SCN3B: variants seen among roughly 807,000 people sequenced by gnomAD.
The protein encoded by SCN3B is sodium channel regulatory subunit beta-3.
SCN3B carries 11 observed loss-of-function variants against 25.4 expected under a neutral mutation model. The ratio of observed to expected loss-of-function variants is 0.43; its 90% CI spans 0.27 to 0.72. The LOEUF (loss-of-function observed/expected upper bound fraction) is 0.72, where lower values mean the gene tolerates loss of function less well. Ranked by LOEUF, SCN3B falls within the 30% of genes least tolerant of loss-of-function variation. SCN3B has a pLI of 0.18. For missense variants in SCN3B, 218 were observed against 278.3 expected (o/e 0.78, Z 1.54); for synonymous variants, 109 against 110.7 (o/e 0.99, Z 0.09).
At chr11:123,635,912 G>C (rs1400045629) in intron 5 of SCN3B, among the ~76,000 whole-genome samples, 2 of 152,152 alleles carry the variant, frequency 1.3e-5, no homozygotes, top group East Asian at 3.8e-4. Context: ...CTGTCCCTTG[G>C]TTAAGACTAT....
intron 5 of SCN3B, among the ~76,000 whole-genome samples, chr11:123,636,290 T>C (rs148036043): frequency 0.01 from 1,550 of 152,318 alleles, 16 homozygotes; most frequent in South Asian, 0.019. Flanking sequence ...TGGAATATTC[T>C]TCCTTGTCCT....
At chr11:123,644,474 A>T (rs1955824100) in intron 3 of SCN3B, among the ~76,000 whole-genome samples, 1 of 152,118 alleles carries the variant, frequency 6.6e-6, no homozygotes, top group South Asian at 2.1e-4. Context: ...GGTGGTATTC[A>T]AAATATATGA....
intron 4 of SCN3B, 48 bp from the exon 5 acceptor site, chr11:123,638,372 A>G: frequency 1.2e-6 from 2 of 1,611,444 alleles, no homozygotes; most frequent in Non-Finnish European, 1.7e-6. Context: ...CAGCAAACCT[A>G]GAGCCGTCAT....
At chr11:123,636,931 A>T (rs1683637846) in intron 5 of SCN3B, among the ~76,000 whole-genome samples, 1 of 152,104 alleles carries the variant, frequency 6.6e-6, no homozygotes, top group African/African-American at 2.4e-5. Context: ...TGACCTCATG[A>T]TCTGCCTGCC....
In SCN3B at chr11:123,630,322, G is replaced by C. The variant is rs1955655228; in HGVS notation, c.*3477C>G. 1.3e-5 allele frequency: 2 copies of C among 152,658 alleles called. No homozygotes were observed. 9.5% of individuals were successfully genotyped at this position (152,658 alleles called of 1,614,324 possible). Reference sequence around the variant, plus strand: ...GTGCTCTCAGGGCCAACTGGATTGAGCAATCACATTCATGGCTGTGAAGTA... The same window carrying C: ...GTGCTCTCAGGGCCAACTGGATTGACCAATCACATTCATGGCTGTGAAGTA... On this transcript the variant is annotated 3_prime_UTR_variant, in exon 7 of 7. Transcript: ENST00000299333.
chr11:123,636,983 C>T (rs996513724), intron 5 of SCN3B, among the ~76,000 whole-genome samples: 1 of 152,280 alleles, frequency 6.6e-6, no homozygotes, highest in African/African-American at 2.4e-5. Context: ...AGAGCCACCG[C>T]GCCCGGCCAA....
chr11:123,644,840 TAC>T (rs1555115890), intron 3 of SCN3B, among the ~76,000 whole-genome samples: 2 of 124,712 alleles, frequency 1.6e-5, no homozygotes, highest in Non-Finnish European at 3.5e-5. Flanking sequence ...TATATATATA[TAC>T]ACACACACAT....
chr11:123,637,652 C>A (rs925762365), intron 5 of SCN3B, among the ~76,000 whole-genome samples: 1 of 152,102 alleles, frequency 6.6e-6, no homozygotes, highest in African/African-American at 2.4e-5. Flanking sequence ...CCTCAGCCTC[C>A]CGAGTAGCTG....
chr11:123,642,069 G>A lies in SCN3B; in HGVS notation c.445+377C>T, dbSNP rs779515517. Among the ~76,000 whole-genome samples, 3 of 152,172 alleles carry A rather than the reference G, an allele frequency of 2.0e-5. No homozygotes were observed. Among genetic ancestry groups the A allele is most frequent in the Admixed American group, 6.5e-5 (1 of 15,274 alleles). On this transcript the variant is annotated intron_variant, in intron 4 of 6. Transcript: ENST00000299333. The surrounding 1 kb of genome is among the most constrained non-coding windows in gnomAD (Gnocchi z 4.3). The stretch of plus-strand genomic sequence containing the variant: ...ACAGGTAGAAGGAGAGATGACTTCC[G>A]GGTAACCTCATGAGATTTCTCTGAG...
At position 123,646,781 on chromosome 11, in the gene SCN3B, A is replaced by T. The variant is rs188005564; in HGVS notation, c.56-1031T>A. On this transcript the variant is annotated intron_variant, in intron 2 of 6. Coordinates refer to ENST00000299333, the MANE Select transcript of SCN3B (RefSeq NM_001040151.2). ...GCGCAAATGTGAGCTGCATTAACAG[A>T]TGTACAGTACGCAGGAGGAAGGAGG... is the stretch of plus-strand genomic sequence containing the variant. Among the ~76,000 whole-genome samples, 606 of 152,310 alleles carry T rather than the reference A, an allele frequency of 4.0e-3. 2 individuals carry two copies. The highest frequency in any genetic ancestry group is 6.8e-3 in the Middle Eastern group (2 of 294).
At chr11:123,648,130 G>T (rs574451572) in intron 2 of SCN3B, among the ~76,000 whole-genome samples, 1 of 152,282 alleles carries the variant, frequency 6.6e-6, no homozygotes, top group East Asian at 1.9e-4. Flanking sequence ...GAACCTCAAG[G>T]CACATTCATA....
At chr11:123,638,100 A>G in intron 5 of SCN3B, 86 bp downstream of exon 5, 6 of 1,504,760 alleles carry the variant, frequency 4.0e-6, no homozygotes, top group Non-Finnish European at 5.5e-6. Context: ...TGGAGGATGA[A>G]TGTAAACTGC....
chr11:123,642,803 G>A lies in SCN3B; in HGVS notation c.220-132C>T, dbSNP rs2280582. 14,312 of 735,344 alleles carry A rather than the reference G, an allele frequency of 0.019. 439 individuals carry two copies. Among genetic ancestry groups the A allele is most frequent in the South Asian group, 0.085 (5,702 of 67,316 alleles). 45.6% of individuals were successfully genotyped at this position (735,344 alleles called of 1,614,324 possible). Reference sequence around the variant, plus strand: ...AGGGAAGAGAGGGGACAATGCCACCGGGAGACCCAGAATGTGGGGGTGGGA... The same window carrying A: ...AGGGAAGAGAGGGGACAATGCCACCAGGAGACCCAGAATGTGGGGGTGGGA... On this transcript the variant is annotated intron_variant, in intron 3 of 6. Coordinates refer to ENST00000299333, the MANE Select transcript of SCN3B (RefSeq NM_001040151.2). This position sits in a 1 kb window ranked among gnomAD's most constrained non-coding sequence, Gnocchi z 4.3.
In SCN3B at chr11:123,642,416, C is replaced by T. The variant is rs747919576; in HGVS notation, c.445+30G>A. On this transcript the variant is annotated intron_variant, in intron 4 of 6. Coordinates refer to ENST00000299333, the MANE Select transcript of SCN3B (RefSeq NM_001040151.2). The surrounding 1 kb of genome is among the most constrained non-coding windows in gnomAD (Gnocchi z 4.3). ...CCTTCCCTGTCCACAGAGAGCAGGA[C>T]GCCCTAGAGACCCTGTGCCTCAGCC... is the stretch of plus-strand genomic sequence containing the variant. 8.7e-6 allele frequency: 14 copies of T among 1,604,608 alleles called. No homozygotes were observed. In the East Asian group the frequency reaches 1.3e-4, roughly 15 times the overall value.
In SCN3B at chr11:123,629,710, A is replaced by G. The variant is rs904304838; in HGVS notation, c.*4089T>C. 6.6e-6 allele frequency: 1 copy of G among 152,260 alleles called. No homozygotes were observed. Among genetic ancestry groups the G allele is most frequent in the Non-Finnish European group, 1.5e-5 (1 of 68,054 alleles). 9.4% of individuals were successfully genotyped at this position (152,260 alleles called of 1,614,324 possible). ...ATGTTAGTAGAATGAGTGGATGATC[A>G]GACTGGCAAGCACACCAAGCACTAT... On this transcript the variant is annotated 3_prime_UTR_variant, in exon 7 of 7. Transcript: ENST00000299333.
In SCN3B at chr11:123,632,944, T is replaced by C. The variant is rs72553910; in HGVS notation, c.*855A>G. The C allele has an allele frequency of 1.3e-5, 2 of 152,196 alleles. No individual in the cohort carries two copies. The allele number at this position is 152,196 out of a possible 1,614,324, so 9.4% of individuals were successfully genotyped here. On this transcript the variant is annotated 3_prime_UTR_variant, in exon 7 of 7. Transcript: ENST00000299333. Reference sequence around the variant, plus strand: ...TCTTAGTTGCCTCCTGTATGTAAAATGAGGAATAATACTGGTGCACAGAAA... The same window carrying C: ...TCTTAGTTGCCTCCTGTATGTAAAACGAGGAATAATACTGGTGCACAGAAA...
Position 123,629,277 on chromosome 11 carries a change from C to T in SCN3B, c.*4522G>A, listed in dbSNP as rs918412035. The T allele has an allele frequency of 1.3e-5, 2 of 152,166 alleles. No individual in the cohort carries two copies. Among genetic ancestry groups the T allele is most frequent in the African/African-American group, 4.8e-5 (2 of 41,430 alleles). The allele number at this position is 152,166 out of a possible 1,614,324, so 9.4% of individuals were successfully genotyped here. A position where few individuals can be genotyped will look rare whatever the true frequency, so the allele number is the denominator to read the frequency against. On this transcript the variant is annotated 3_prime_UTR_variant, in exon 7 of 7. Coordinates refer to ENST00000299333, the MANE Select transcript of SCN3B (RefSeq NM_001040151.2). ...TTACGTTGTTGAGGGCTTAGGTGGTCAGGAACATTTCCAGAGTTTGGATTG... is the reference window on the plus strand; with the variant it reads ...TTACGTTGTTGAGGGCTTAGGTGGTTAGGAACATTTCCAGAGTTTGGATTG...
intron 4 of SCN3B, chr11:123,638,709 T>C: frequency 3.1e-6 from 1 of 326,492 alleles, no homozygotes; most frequent in Middle Eastern, 1.1e-3. Context: ...TTTGTGAATA[T>C]TACATTATCT....
Position 123,631,276 on chromosome 11 carries a change from A to C in SCN3B, c.*2523T>G, listed in dbSNP as rs2137227510. ...TCATGCATACTGCCGGGTTCAACTT[A>C]GATACACGAGCTATTGGGCCACCGA... is the stretch of plus-strand genomic sequence containing the variant. On this transcript the variant is annotated 3_prime_UTR_variant, in exon 7 of 7. Transcript: ENST00000299333. The C allele has an allele frequency of 2.6e-5, 4 of 152,308 alleles. No individual in the cohort carries two copies. The South Asian group carries it at 8.3e-4, about 32-fold the overall frequency. The allele number at this position is 152,308 out of a possible 1,614,324, so 9.4% of individuals were successfully genotyped here. A position where few individuals can be genotyped will look rare whatever the true frequency, so the allele number is the denominator to read the frequency against.
Sources: gnomAD v4.1 joint callset for allele counts (sites outside exome capture counted in the v4.1 genomes callset) on GRCh38, gnomAD v4.1.1 for gene constraint, Gnocchi (gnomAD v3.1) non-coding constraint, MANE v1.5 for transcripts, NCBI Gene and HGNC (gene_info 2026-07-23, HGNC 2026-07-21) for gene names.